Variants in ASXL2 observed in about 807,000 individuals in gnomAD.
ASXL2 encodes putative Polycomb group protein ASXL2.
In ASXL2, 23 loss-of-function variants were observed where a neutral mutation model predicts 122.0. That is an observed-to-expected ratio of 0.19 (90% confidence interval 0.14 to 0.27). ASXL2 has a LOEUF of 0.27. Ranked by LOEUF, ASXL2 falls within the 10% of genes least tolerant of loss-of-function variation. The probability of loss-of-function intolerance (pLI) is 1.00; values close to 1 mark genes in which losing one functional copy is unlikely to be tolerated. For missense variants in ASXL2, 1,518 were observed against 1,713.8 expected, an observed-to-expected ratio of 0.89 and a Z score of 2.02; for synonymous variants, 650 against 637.0, an observed-to-expected ratio of 1.02 and a Z score of -0.31.
At chr2:25,865,774 CAAAAAAAAAAAAA>C (rs61021417) in intron 1 of ASXL2, among the ~76,000 whole-genome samples, 9 of 55,536 alleles carry the variant, frequency 1.6e-4, no homozygotes, top group African/African-American at 6.0e-4. Context: ...GACTCCGTCT[CAAAAAAAAAAAAA>C]AAAAAAAAAA....
Position 25,742,476 on chromosome 2 carries a change from C to T in ASXL2, c.3861G>A (p.Glu1287=), listed in dbSNP as rs1214881753. The T allele has an allele frequency of 6.2e-7, 1 of 1,613,532 alleles. No individual in the cohort carries two copies. Among genetic ancestry groups the T allele is most frequent in the Non-Finnish European group, 8.5e-7 (1 of 1,179,674 alleles). Residue 1287 remains glutamate (E), a synonymous_variant, in exon 13 of 13, where the codon GAG becomes GAA. Transcript: ENST00000435504. ...GAGGAAGAACAGTAGAACTGAAAAG[C>T]TCGGGGCTGCTACGGATTGCCTTAC... The part of the protein sequence containing the change: ...VRGKAIRSSP[E]LFSSTVLPLP...
At chr2:25,821,268 G>A (rs188473945) in intron 3 of ASXL2, among the ~76,000 whole-genome samples, 55 of 152,030 alleles carry the variant, frequency 3.6e-4, no homozygotes, top group Admixed American at 3.5e-3. Flanking sequence ...GAGATGAGAG[G>A]ATCCCTTGTG....
chr2:25,741,385 T>A lies in ASXL2; in HGVS notation c.*644A>T, dbSNP rs182487740. 1 of 224,582 alleles carries A rather than the reference T, an allele frequency of 4.5e-6. No individual in the cohort carries two copies. Among genetic ancestry groups the A allele is most frequent in the Non-Finnish European group, 8.9e-6 (1 of 112,782 alleles). 13.9% of individuals were successfully genotyped at this position (224,582 alleles called of 1,614,324 possible). On this transcript the variant is annotated 3_prime_UTR_variant, in exon 13 of 13. Coordinates refer to ENST00000435504, the MANE Select transcript of ASXL2 (RefSeq NM_018263.6). The stretch of plus-strand genomic sequence containing the variant: ...TACCAGTAACTAGTAACTAGTACAG[T>A]AGAAGCCAAGAACCAAGTCAGGGCT...
At chr2:25,819,691 C>T (rs1303022321) in intron 3 of ASXL2, among the ~76,000 whole-genome samples, 1 of 152,044 alleles carries the variant, frequency 6.6e-6, no homozygotes, top group East Asian at 1.9e-4. Flanking sequence ...AGTACAATTC[C>T]AGATTAAAGA....
Position 25,737,303 on chromosome 2 carries a change from C to G in ASXL2, c.*4726G>C, listed in dbSNP as rs1275296495. The G allele has an allele frequency of 1.3e-5, 2 of 151,986 alleles. No homozygotes were observed. Among genetic ancestry groups the G allele is most frequent in the African/African-American group, 4.8e-5 (2 of 41,378 alleles). The allele number at this position is 151,986 out of a possible 1,614,324, so 9.4% of individuals were successfully genotyped here. ...GAAAGTGGTGGCAGTAAATGTCAAC[C>G]ACTGTGGAGAAAGGAAAACCTATTT... On this transcript the variant is annotated 3_prime_UTR_variant, in exon 13 of 13. Transcript: ENST00000435504.
At chr2:25,789,015 T>A (rs1056196182) in intron 5 of ASXL2, among the ~76,000 whole-genome samples, 3 of 152,190 alleles carry the variant, frequency 2.0e-5, no homozygotes, top group African/African-American at 7.2e-5. Flanking sequence ...TTTCTTGGCT[T>A]TTCTGATTGA....
At chr2:25,872,133 G>A (rs775005346) in intron 1 of ASXL2, among the ~76,000 whole-genome samples, 8 of 152,154 alleles carry the variant, frequency 5.3e-5, no homozygotes, top group Admixed American at 4.6e-4. Flanking sequence ...AGTGGCTCAC[G>A]CCTGTAATCC....
At chr2:25,878,015 TCG>T (rs2090024319) in intron 1 of ASXL2, 149 bp downstream of exon 1, 1 of 958,312 alleles carries the variant, frequency 1.0e-6, no homozygotes, top group Admixed American at 1.8e-5. Flanking sequence ...CCCACAGGGA[TCG>T]CAACCCCGAC....
At chr2:25,813,089 C>G (rs765959153) in intron 3 of ASXL2, among the ~76,000 whole-genome samples, 3 of 152,140 alleles carry the variant, frequency 2.0e-5, no homozygotes, top group Non-Finnish European at 4.4e-5. Context: ...TTTCAATAAG[C>G]TACCTGGTAA....
At chr2:25,835,039 G>C (rs2089492601) in intron 3 of ASXL2, among the ~76,000 whole-genome samples, 1 of 152,084 alleles carries the variant, frequency 6.6e-6, no homozygotes, top group Non-Finnish European at 1.5e-5. Context: ...GGTCAGGCTA[G>C]TCTCGAACTC....
rs377352572 is a variant in ASXL2, at chr2:25,742,892, G to A, written c.3445C>T (p.Arg1149Cys). 5.0e-6 allele frequency: 8 copies of A among 1,613,910 alleles called. No individual in the cohort carries two copies. The highest frequency in any genetic ancestry group is 4.5e-5 in the East Asian group (2 of 44,884). ...TCAGTGGGGCTGCTTAGACAAAAACGATCTTCAGGGTTTACAGAATGGGTC... is the reference window on the plus strand; with the variant it reads ...TCAGTGGGGCTGCTTAGACAAAAACAATCTTCAGGGTTTACAGAATGGGTC... ...RRTHSVNPED[R>C]FCLSSPTEAL... The change falls in exon 13 of 13, where the codon CGT becomes TGT. Residue 1149 changes from arginine (R) to cysteine (C), a missense_variant. By Grantham distance (180) the Arg-to-Cys change is radical. Coordinates refer to ENST00000435504, the MANE Select transcript of ASXL2 (RefSeq NM_018263.6).
Position 25,844,591 on chromosome 2 carries a change from CAAAAAAAACAAAACA to C in ASXL2, c.140+875_140+889del, listed in dbSNP as rs1457135561. ...ACTCCGTCTCAAAAAAAAAAACAAA[CAAAAAAAACAAAACA>C]AAAAAAAACACACACACACATTGAC... On this transcript the variant is annotated intron_variant, in intron 2 of 12. Transcript: ENST00000435504. Among the ~76,000 whole-genome samples the C allele has an allele frequency of 3.0e-4, 45 of 148,580 alleles. No homozygotes were observed. The East Asian group carries it at 8.7e-3, about 29-fold the overall frequency.
intron 2 of ASXL2, 87 bp downstream of exon 2, chr2:25,845,394 T>C: frequency 7.5e-7 from 1 of 1,338,998 alleles, no homozygotes; most frequent in Non-Finnish European, 1.0e-6. Flanking sequence ...AAGTAATTAA[T>C]CTTCAGGACT....
Position 25,743,383 on chromosome 2 carries a change from T to C in ASXL2, c.2954A>G (p.Lys985Arg). Reference sequence around the variant, plus strand: ...GAGCGCTCCCATCCCCCTTTCCTCTTTTGCAGTCAGTGGAACCGTTTTCAT... The same window carrying C: ...GAGCGCTCCCATCCCCCTTTCCTCTCTTGCAGTCAGTGGAACCGTTTTCAT... ...VEMKTVPLTA[K>R]EERGMGALIA... Residue 985 changes from lysine (K) to arginine (R), a missense_variant, in exon 13 of 13, where the codon AAA becomes AGA. Physicochemically the swap from Lys to Arg is conservative, Grantham distance 26 (BLOSUM62 2). Around this residue, in one of 8 missense-constraint regions of ASXL2, gnomAD observed 831 missense variants for 833.1 expected, o/e 1.00. Coordinates refer to ENST00000435504, the MANE Select transcript of ASXL2 (RefSeq NM_018263.6). The C allele has an allele frequency of 6.2e-7, 1 of 1,613,946 alleles. No homozygotes were observed. The highest frequency in any genetic ancestry group is 8.5e-7 in the Non-Finnish European group (1 of 1,179,896).
intron 3 of ASXL2, among the ~76,000 whole-genome samples, chr2:25,832,643 A>G (rs1415065235): frequency 1.3e-5 from 2 of 152,210 alleles, no homozygotes; most frequent in Non-Finnish European, 2.9e-5. Flanking sequence ...CTTTAAAATT[A>G]AACATGCACT....
chr2:25,840,741 TAC>T, intron 2 of ASXL2, among the ~76,000 whole-genome samples: 1 of 152,250 alleles, frequency 6.6e-6, no homozygotes, highest in East Asian at 1.9e-4. Flanking sequence ...TGTATGCATA[TAC>T]CTTATTTTGT....
intron 5 of ASXL2, among the ~76,000 whole-genome samples, chr2:25,781,138 A>G (rs1477520202): frequency 1.3e-5 from 2 of 151,940 alleles, no homozygotes; most frequent in Non-Finnish European, 2.9e-5. Context: ...TACATTTATT[A>G]TAACTTTAAT....
chr2:25,843,184 C>T (rs2089607902), intron 2 of ASXL2, among the ~76,000 whole-genome samples: 2 of 151,844 alleles, frequency 1.3e-5, no homozygotes, highest in Non-Finnish European at 2.9e-5. Flanking sequence ...TGCCTGTAGT[C>T]CCAGCTACTC....
At chr2:25,764,397 T>A (rs1344551600) in intron 8 of ASXL2, among the ~76,000 whole-genome samples, 1 of 152,036 alleles carries the variant, frequency 6.6e-6, no homozygotes, top group African/African-American at 2.4e-5. Flanking sequence ...GGGCCACACA[T>A]AAAATACACT....
Sources: gnomAD v4.1 joint callset for allele counts (sites outside exome capture counted in the v4.1 genomes callset) on GRCh38, gnomAD v4.1.1 for gene constraint, gnomAD v4.1.1 regional missense constraint, MANE v1.5 for transcripts, NCBI Gene and HGNC (gene_info 2026-07-23, HGNC 2026-07-21) for gene names.